Variants in LHPP observed in about 807,000 individuals in gnomAD.
LHPP encodes hLHPP.
In LHPP, 24 loss-of-function variants were observed where a neutral mutation model predicts 30.3. The ratio of observed to expected loss-of-function variants is 0.79; its 90% confidence interval spans 0.57 to 1.11. LHPP has a LOEUF of 1.11. Ranked by LOEUF, LHPP falls within the 50% of genes most tolerant of loss-of-function variation. LHPP has a pLI of 0.00. For missense variants in LHPP, 356 were observed against 367.2 expected (o/e 0.97, Z 0.25); for synonymous variants, 150 against 157.1 (o/e 0.95, Z 0.34).
At chr10:124,509,110 T>A (rs1300877752) in intron 5 of LHPP, among the ~76,000 whole-genome samples, 1 of 152,160 alleles carries the variant, frequency 6.6e-6, no homozygotes, top group African/African-American at 2.4e-5. Flanking sequence ...CACTTATAAG[T>A]GCAAACACAC....
chr10:124,610,869 A>C (rs368445732), intron 6 of LHPP, among the ~76,000 whole-genome samples: 2 of 47,640 alleles, frequency 4.2e-5, no homozygotes, highest in Non-Finnish European at 7.8e-5. Flanking sequence ...GGTGAGGGTG[A>C]GGGTGAGGGT....
At chr10:124,559,905 G>A (rs934484029) in intron 6 of LHPP, among the ~76,000 whole-genome samples, 2 of 152,278 alleles carry the variant, frequency 1.3e-5, no homozygotes, top group Non-Finnish European at 2.9e-5. Flanking sequence ...GCGCTGCCAA[G>A]TGCTCCCTGC....
chr10:124,566,597 T>C (rs1948494056), intron 6 of LHPP, among the ~76,000 whole-genome samples: 1 of 152,204 alleles, frequency 6.6e-6, no homozygotes. Context: ...AGTTGGCAAA[T>C]GCACGGACCC....
intron 6 of LHPP, among the ~76,000 whole-genome samples, chr10:124,542,548 G>T (rs1955223451): frequency 6.6e-6 from 1 of 152,174 alleles, no homozygotes; most frequent in Non-Finnish European, 1.5e-5. Flanking sequence ...TCCTGCTCCA[G>T]TTCAGCCTGC....
intron 6 of LHPP, among the ~76,000 whole-genome samples, chr10:124,532,741 C>T (rs548868989): frequency 6.6e-6 from 1 of 152,324 alleles, no homozygotes; most frequent in South Asian, 2.1e-4. Flanking sequence ...TCTCTGTTTT[C>T]CAGGGAAGCT....
intron 6 of LHPP, among the ~76,000 whole-genome samples, chr10:124,599,195 A>G (rs1306938381): frequency 6.7e-6 from 1 of 148,796 alleles, no homozygotes; most frequent in Admixed American, 6.7e-5. Context: ...CCACCCATCC[A>G]TCCACCCATC....
chr10:124,613,291 G>C lies in LHPP; in HGVS notation c.744G>C (p.Val248=). 6.2e-7 allele frequency: 1 copy of C among 1,613,550 alleles called. No individual in the cohort carries two copies. The highest frequency in any genetic ancestry group is 8.5e-7 in the Non-Finnish European group (1 of 1,179,940). Residue 248 remains valine (V), a synonymous_variant, in exon 7 of 7, where the codon GTG becomes GTC. Transcript: ENST00000368842. ...CCAGTGACGAGCACCATCCGGAAGT[G>C]AAGGCTGATGGGTACGTGGACAACC... ...FRPSDEHHPE[V]KADGYVDNLA...
intron 5 of LHPP, among the ~76,000 whole-genome samples, chr10:124,514,060 C>T (rs1954386983): frequency 6.6e-6 from 1 of 152,198 alleles, no homozygotes; most frequent in Non-Finnish European, 1.5e-5. Context: ...ATTCCTTGTC[C>T]TGAAGGAGCT....
intron 5 of LHPP, among the ~76,000 whole-genome samples, chr10:124,508,566 T>A (rs550407543): frequency 5.3e-5 from 8 of 151,640 alleles, no homozygotes; most frequent in African/African-American, 1.9e-4. Context: ...TAGTTTTCCT[T>A]CAGAGTTTTT....
At chr10:124,476,084 C>T (rs1257505158) in intron 1 of LHPP, among the ~76,000 whole-genome samples, 2 of 152,090 alleles carry the variant, frequency 1.3e-5, no homozygotes, top group Non-Finnish European at 1.5e-5. Flanking sequence ...GGTGAGGAGG[C>T]GCAGGTACGG....
At chr10:124,479,581 T>G (rs775473733) in intron 1 of LHPP, among the ~76,000 whole-genome samples, 1 of 147,082 alleles carries the variant, frequency 6.8e-6, no homozygotes, top group African/African-American at 2.5e-5. Context: ...GGCCAGTTTC[T>G]GGTGAGGCCC....
rs971131321 is a variant in LHPP at position 124,541,346 on chromosome 10, C to T, written c.716+24075C>T. On this transcript the variant is annotated intron_variant, in intron 6 of 6. Transcript: ENST00000368842. The surrounding 1 kb of genome is among the most constrained non-coding windows in gnomAD (Gnocchi z 4.2). ...TTATCGAGGGCTGCTTTGTGGCGGGCGTTCATTGTGGAAAGAGCCCAGGAA... is the reference window on the plus strand; with the variant it reads ...TTATCGAGGGCTGCTTTGTGGCGGGTGTTCATTGTGGAAAGAGCCCAGGAA... 7.9e-5 allele frequency among the ~76,000 whole-genome samples: 12 copies of T among 152,276 alleles called. No individual in the cohort carries two copies. Among genetic ancestry groups the T allele is most frequent in the African/African-American group, 2.9e-4 (12 of 41,564 alleles).
chr10:124,558,487 G>A (rs973051706), intron 6 of LHPP, among the ~76,000 whole-genome samples: 4 of 152,234 alleles, frequency 2.6e-5, no homozygotes, highest in Non-Finnish European at 5.9e-5. Context: ...CCCGCTTGGC[G>A]TTGGAGCGTC....
intron 1 of LHPP, among the ~76,000 whole-genome samples, chr10:124,472,904 C>T (rs1286648458): frequency 6.6e-6 from 1 of 152,166 alleles, no homozygotes; most frequent in Non-Finnish European, 1.5e-5. Context: ...CACAACCACC[C>T]CCGTATATCT....
At chr10:124,502,889 C>A (rs988576814) in intron 5 of LHPP, among the ~76,000 whole-genome samples, 2 of 150,466 alleles carry the variant, frequency 1.3e-5, no homozygotes, top group Non-Finnish European at 2.9e-5. Context: ...GTTGGCCAGG[C>A]TTGTCTTGAA....
intron 1 of LHPP, 142 bp downstream of exon 1, chr10:124,462,129 C>A: frequency 1.3e-6 from 1 of 792,708 alleles, no homozygotes; most frequent in Non-Finnish European, 1.6e-6. Context: ...CCCCGGTGCG[C>A]GCACAGTGCT....
intron 6 of LHPP, among the ~76,000 whole-genome samples, chr10:124,567,054 G>A (rs565903693): frequency 2.3e-3 from 349 of 152,310 alleles, no homozygotes; most frequent in African/African-American, 8.0e-3. Context: ...GGAGGGCGGG[G>A]GTCCAGGTGG....
At chr10:124,565,380 T>C (rs940114214) in intron 6 of LHPP, among the ~76,000 whole-genome samples, 15 of 152,292 alleles carry the variant, frequency 9.8e-5, no homozygotes, top group Middle Eastern at 3.4e-3. Context: ...GTCTTCAGGC[T>C]CTCCGTGCAG....
intron 6 of LHPP, among the ~76,000 whole-genome samples, chr10:124,599,052 T>G (rs1369847910): frequency 6.6e-6 from 1 of 151,400 alleles, no homozygotes; most frequent in Non-Finnish European, 1.5e-5. Flanking sequence ...CATCCATCCC[T>G]GTCCATCCAT....
Sources: gnomAD v4.1 joint callset for allele counts (sites outside exome capture counted in the v4.1 genomes callset) on GRCh38, gnomAD v4.1.1 for gene constraint, Gnocchi (gnomAD v3.1) non-coding constraint, MANE v1.5 for transcripts, NCBI Gene and HGNC (gene_info 2026-07-23, HGNC 2026-07-21) for gene names.